Variants in KIFC1 observed in about 807,000 individuals in gnomAD.
The protein encoded by KIFC1 is kinesin-like protein KIFC1.
In KIFC1, 37 loss-of-function variants were observed where a neutral mutation model predicts 66.6. The ratio of observed to expected loss-of-function variants is 0.56; its 90% CI spans 0.43 to 0.73. The LOEUF (loss-of-function observed/expected upper bound fraction) is 0.73. KIFC1 is among the 30% of genes least tolerant of loss of function. The probability of loss-of-function intolerance (pLI) is 0.00; values close to 1 mark genes in which losing one functional copy is unlikely to be tolerated. For missense variants in KIFC1, 721 were observed against 859.8 expected, an observed-to-expected ratio of 0.84 and a Z score of 2.02; for synonymous variants, 325 against 343.5, an observed-to-expected ratio of 0.95 and a Z score of 0.60.
rs467065 is a variant in KIFC1, at chr6:33,401,826, G to A, written c.251-1488G>A. 6.6e-6 allele frequency among the ~76,000 whole-genome samples: 1 copy of A among 151,696 alleles called. No homozygotes were observed. The highest frequency in any genetic ancestry group is 1.5e-5 in the Non-Finnish European group (1 of 67,946). ...ACACCATTCTCCTGCCTCAGCCTCC[G>A]GAGTAGCTGGGACTACAGGTGCCCG... On this transcript the variant is annotated intron_variant, in intron 3 of 10. Transcript: ENST00000428849. This position sits in a 1 kb window ranked among gnomAD's most constrained non-coding sequence, Gnocchi z 4.5.
At position 33,409,721 on chromosome 6, in the gene KIFC1, G is replaced by A; in HGVS notation, c.*31G>A. ...GATCCAGATCTGTGTGTGTGTGTGT[G>A]TGTGTGTGTGTGTGTGTGTGTGTGT... is the stretch of plus-strand genomic sequence containing the variant. On this transcript the variant is annotated 3_prime_UTR_variant, in exon 11 of 11. Coordinates refer to ENST00000428849, the MANE Select transcript of KIFC1 (RefSeq NM_002263.4). 1 of 1,241,442 alleles carries A rather than the reference G, an allele frequency of 8.1e-7. No homozygotes were observed. The highest frequency in any genetic ancestry group is 1.1e-6 in the Non-Finnish European group (1 of 891,692). 76.9% of individuals were successfully genotyped at this position (1,241,442 alleles called of 1,614,324 possible). A position where few individuals can be genotyped will look rare whatever the true frequency, so the allele number is the denominator to read the frequency against.
At position 33,405,698 on chromosome 6, in the gene KIFC1, T is replaced by G; in HGVS notation, c.1536+67T>G. The G allele has an allele frequency of 7.2e-7, 1 of 1,384,396 alleles. No individual in the cohort carries two copies. The highest frequency in any genetic ancestry group is 9.5e-7 in the Non-Finnish European group (1 of 1,052,558). 85.8% of individuals were successfully genotyped at this position (1,384,396 alleles called of 1,614,324 possible). A position where few individuals can be genotyped will look rare whatever the true frequency, so the allele number is the denominator to read the frequency against. The stretch of plus-strand genomic sequence containing the variant: ...TGGGCAGGGTGCCACGAGATGGAGG[T>G]AGAGGGAGAAAGGAGCAAGAGAGAA... On this transcript the variant is annotated intron_variant, in intron 7 of 10. Coordinates refer to ENST00000428849, the MANE Select transcript of KIFC1 (RefSeq NM_002263.4). The surrounding 1 kb of genome is among the most constrained non-coding windows in gnomAD (Gnocchi z 5.4).
Position 33,404,841 on chromosome 6 carries a change from C to G in KIFC1, c.757-11C>G. The G allele has an allele frequency of 6.3e-7, 1 of 1,595,624 alleles. No homozygotes were observed. The highest frequency in any genetic ancestry group is 2.2e-5 in the East Asian group (1 of 44,694). ...TTACCCTCTGTGTATGTTGTGTTCT[C>G]TTCTGGGCAGAGGAGGCTGCAGACA... On this transcript the variant is annotated splice_polypyrimidine_tract_variant and intron_variant, in intron 6 of 10. Transcript: ENST00000428849. This position sits in a 1 kb window ranked among gnomAD's most constrained non-coding sequence, Gnocchi z 4.0.
chr6:33,405,968 C>T lies in KIFC1; in HGVS notation c.1537-228C>T, dbSNP rs1283438862. 3.9e-5 allele frequency among the ~76,000 whole-genome samples: 6 copies of T among 152,162 alleles called. No homozygotes were observed. The highest frequency in any genetic ancestry group is 3.9e-4 in the Admixed American group (6 of 15,268). ...CAGGGCCTTTGCCTGGATGCTCTTT[C>T]CTGGAGATCTTGGCTATCCTGTCAA... On this transcript the variant is annotated intron_variant, in intron 7 of 10. Transcript: ENST00000428849. This position sits in a 1 kb window ranked among gnomAD's most constrained non-coding sequence, Gnocchi z 5.4.
intron 1 of KIFC1, among the ~76,000 whole-genome samples, chr6:33,392,260 A>G (rs892030173): frequency 2.6e-5 from 4 of 152,188 alleles, no homozygotes; most frequent in African/African-American, 9.7e-5. Context: ...CATGTCTCCG[A>G]GATTTCTCAT....
rs1400793212 is a variant in KIFC1, at chr6:33,403,095, G to A, written c.251-219G>A. ...ATCCTTGGATTTTGGTATTCTTGGG[G>A]GGTGCTGGAATCAACCCCTTTTGGA... On this transcript the variant is annotated intron_variant, in intron 3 of 10. Coordinates refer to ENST00000428849, the MANE Select transcript of KIFC1 (RefSeq NM_002263.4). This position sits in a 1 kb window ranked among gnomAD's most constrained non-coding sequence, Gnocchi z 4.6. 6.6e-6 allele frequency among the ~76,000 whole-genome samples: 1 copy of A among 152,074 alleles called. No homozygotes were observed. Among genetic ancestry groups the A allele is most frequent in the African/African-American group, 2.4e-5 (1 of 41,390 alleles).
chr6:33,399,423 C>A (rs1308585990), intron 3 of KIFC1, among the ~76,000 whole-genome samples: 2 of 151,758 alleles, frequency 1.3e-5, no homozygotes, highest in African/African-American at 2.4e-5. Flanking sequence ...AAAATAAAAC[C>A]AAAAAATACA....
At position 33,406,278 on chromosome 6, in the gene KIFC1, G is replaced by C. The variant is rs1300888114; in HGVS notation, c.1619G>C (p.Ser540Thr). The C allele has an allele frequency of 1.2e-6, 2 of 1,614,212 alleles. No individual in the cohort carries two copies. The highest frequency in any genetic ancestry group is 3.3e-5 in the Admixed American group (2 of 60,030). The change falls in exon 8 of 11, where the codon AGT (serine) becomes ACT (threonine). Residue 540 changes from serine to threonine, a missense_variant. Transcript: ENST00000428849. The surrounding 1 kb of genome is among the most constrained non-coding windows in gnomAD (Gnocchi z 4.5). ...AQNERSSRSH[S>T]VFQLQISGEH... is the part of the protein sequence containing the mutation. ...AATGAACGGTCATCACGCAGCCACA[G>C]TGTATTCCAGCTACAGATTTCTGGG...
upstream of KIFC1, chr6:33,391,672 C>A (rs1406849198): frequency 1.4e-5 from 8 of 568,556 alleles, no homozygotes; most frequent in Non-Finnish European, 2.2e-5. Flanking sequence ...CCGCCTACCT[C>A]TCCTGCGCCT....
rs1349422794 is a variant in KIFC1, at chr6:33,397,341, A to C, written c.13-688A>C. ...GAGACGGAGTCTTACTCTATTGCCC[A>C]GGTTGGAGTGCAGTGGCGTGATCTC... On this transcript the variant is annotated intron_variant, in intron 1 of 10. Coordinates refer to ENST00000428849, the MANE Select transcript of KIFC1 (RefSeq NM_002263.4). Among the ~76,000 whole-genome samples the C allele has an allele frequency of 3.3e-5, 4 of 121,858 alleles. No homozygotes were observed. In the South Asian group the frequency reaches 7.9e-4, roughly 24 times the overall value. 79.9% of individuals were successfully genotyped at this position (121,858 alleles called of 152,430 possible).
rs527447136 is a variant in KIFC1, at chr6:33,397,225, C to A, written c.13-804C>A. On this transcript the variant is annotated intron_variant, in intron 1 of 10. Coordinates refer to ENST00000428849, the MANE Select transcript of KIFC1 (RefSeq NM_002263.4). ...CTCCTGACCTCAAGTAATCTGCCCGCCTCAGCCTCCCAAAATGCTGGAATT... is the reference window on the plus strand; with the variant it reads ...CTCCTGACCTCAAGTAATCTGCCCGACTCAGCCTCCCAAAATGCTGGAATT... 1.6e-4 allele frequency among the ~76,000 whole-genome samples: 25 copies of A among 151,728 alleles called. No homozygotes were observed. In the South Asian group the frequency reaches 5.2e-3, roughly 32 times the overall value.
At chr6:33,409,430 C>G (rs1475448276) in intron 10 of KIFC1, among the ~76,000 whole-genome samples, 1 of 152,098 alleles carries the variant, frequency 6.6e-6, no homozygotes, top group African/African-American at 2.4e-5. Context: ...GTATTTTCTT[C>G]TGGGGCTTCC....
chr6:33,406,820 C>T lies in KIFC1; in HGVS notation c.1922C>T (p.Ser641Phe). 1 of 1,614,132 alleles carries T rather than the reference C, an allele frequency of 6.2e-7. No homozygotes were observed. Among genetic ancestry groups the T allele is most frequent in the South Asian group, 1.1e-5 (1 of 91,080 alleles). ...CATAGGCTCATGTTTGTGAACATTTCTCCACTGGAAGAGAACGTCTCCGAG... is the reference window on the plus strand; with the variant it reads ...CATAGGCTCATGTTTGTGAACATTTTTCCACTGGAAGAGAACGTCTCCGAG... ...SAKMLMFVNISPLEENVSESL... is the reference protein window; with the variant it reads ...SAKMLMFVNIFPLEENVSESL... Residue 641 changes from serine (S) to phenylalanine (F), a missense_variant, in exon 10 of 11, where the codon TCT becomes TTT. Transcript: ENST00000428849. This position sits in a 1 kb window ranked among gnomAD's most constrained non-coding sequence, Gnocchi z 4.5.
chr6:33,402,723 T>C (rs1407647577), intron 3 of KIFC1, among the ~76,000 whole-genome samples: 2 of 138,646 alleles, frequency 1.4e-5, no homozygotes, highest in African/African-American at 5.5e-5. Context: ...AGAGTGCAAC[T>C]CCATCTCAAA....
rs757456953 is a variant in KIFC1 at position 33,398,347 on chromosome 6, A to G, written c.210A>G (p.Pro70=). The G allele has an allele frequency of 3.7e-6, 6 of 1,614,084 alleles. No homozygotes were observed. The highest frequency in any genetic ancestry group is 5.1e-6 in the Non-Finnish European group (6 of 1,179,972). ...TTACCACATCCCACCCAAGAGTTCCATCCCTCACTACAGTGCCACAGACAC... is the reference window on the plus strand; with the variant it reads ...TTACCACATCCCACCCAAGAGTTCCGTCCCTCACTACAGTGCCACAGACAC... ...TKITTSHPRV[P]SLTTVPQTQG... is the part of the protein sequence containing the mutation. Residue 70 remains proline, a synonymous_variant, in exon 3 of 11, where the codon CCA becomes CCG. Coordinates refer to ENST00000428849, the MANE Select transcript of KIFC1 (RefSeq NM_002263.4).
At position 33,401,220 on chromosome 6, in the gene KIFC1, C is replaced by T. The variant is rs146143269; in HGVS notation, c.251-2094C>T. 0.01 allele frequency among the ~76,000 whole-genome samples: 1,556 copies of T among 152,016 alleles called. 11 individuals carry two copies. The highest frequency in any genetic ancestry group is 0.017 in the Non-Finnish European group (1,134 of 67,974). ...CGTGATCTCGGCTCAGTGTAACCTC[C>T]GCCTCCTGGGTTCAAGTGATTCTCC... On this transcript the variant is annotated intron_variant, in intron 3 of 10. Transcript: ENST00000428849. The surrounding 1 kb of genome is among the most constrained non-coding windows in gnomAD (Gnocchi z 4.5).
intron 10 of KIFC1, chr6:33,407,173 C>T: frequency 1.2e-6 from 1 of 847,660 alleles, no homozygotes; most frequent in South Asian, 2.3e-5. Flanking sequence ...CTTCGGGAGG[C>T]CAAGGCAGGA....
intron 1 of KIFC1, among the ~76,000 whole-genome samples, chr6:33,396,436 C>CT (rs199749552): frequency 0.11 from 12,914 of 116,132 alleles, 1,892 homozygotes; most frequent in African/African-American, 0.34. Flanking sequence ...CTTTTCTTTT[C>CT]TTTTTTTTTT....
chr6:33,391,912 C>A lies in KIFC1; in HGVS notation c.-74C>A. 1 of 1,583,720 alleles carries A rather than the reference C, an allele frequency of 6.3e-7. No individual in the cohort carries two copies. Reference sequence around the variant, plus strand: ...CCTGCTTCGCGAGCGGGCGAGAGAACGCGAGTCCCAGGATCCCCGGCACCC... The same window carrying A: ...CCTGCTTCGCGAGCGGGCGAGAGAAAGCGAGTCCCAGGATCCCCGGCACCC... On this transcript the variant is annotated 5_prime_UTR_variant, in exon 1 of 11. Transcript: ENST00000428849.
Sources: allele counts gnomAD v4.1 joint callset (sites outside exome capture counted in the v4.1 genomes callset), GRCh38; gene constraint gnomAD v4.1.1; non-coding constraint Gnocchi (gnomAD v3.1); transcripts MANE v1.5; gene names NCBI Gene and HGNC (gene_info 2026-07-23, HGNC 2026-07-21).